SORCS2: variants seen among roughly 807,000 people sequenced by gnomAD.
SORCS2 encodes VPS10 domain-containing receptor SorCS2.
A neutral mutation model predicts 141.6 loss-of-function variants in SORCS2; 100 were observed. That is an observed-to-expected ratio of 0.71 (90% CI 0.60 to 0.83). The LOEUF (loss-of-function observed/expected upper bound fraction) is 0.83, where lower values mean the gene tolerates loss of function less well. Among genes scored for constraint, SORCS2 ranks in the 40% least tolerant of loss-of-function variants. The pLI is 0.00. For missense variants in SORCS2, 1,646 were observed against 1,560.2 expected (o/e 1.05, Z -0.93); for synonymous variants, 789 against 676.9 (o/e 1.17, Z -2.57).
At chr4:7,603,116 T>C (rs896767810) in intron 3 of SORCS2, among the ~76,000 whole-genome samples, 4 of 150,474 alleles carry the variant, frequency 2.7e-5, no homozygotes, top group African/African-American at 7.4e-5. Flanking sequence ...GCACTACAGT[T>C]CAGCCTCCGC....
chr4:7,490,824 A>C (rs1042064852), intron 2 of SORCS2, among the ~76,000 whole-genome samples: 6 of 150,970 alleles, frequency 4.0e-5, no homozygotes, highest in Non-Finnish European at 8.9e-5. Flanking sequence ...TCCCCGCTGC[A>C]CTCCTCCCAG....
chr4:7,570,099 C>T (rs1443629097), intron 3 of SORCS2, among the ~76,000 whole-genome samples: 1 of 152,162 alleles, frequency 6.6e-6, no homozygotes, highest in East Asian at 1.9e-4. Flanking sequence ...ATGCTAATTG[C>T]TTGGTCTAAG....
At chr4:7,198,855 A>G (rs1477478605) in intron 1 of SORCS2, among the ~76,000 whole-genome samples, 1 of 152,068 alleles carries the variant, frequency 6.6e-6, no homozygotes, top group African/African-American at 2.4e-5. Context: ...GAGTCTAGGG[A>G]AGTCTCGGCG....
In SORCS2 at chr4:7,740,308, C is replaced by T; in HGVS notation, c.*44C>T. Reference sequence around the variant, plus strand: ...CTTTTCACCCACGGAGGGCACAGAACCACCAGCAAAGCCGGCGGCTGGACT... The same window carrying T: ...CTTTTCACCCACGGAGGGCACAGAATCACCAGCAAAGCCGGCGGCTGGACT... On this transcript the variant is annotated 3_prime_UTR_variant, in exon 27 of 27. Transcript: ENST00000507866. The T allele has an allele frequency of 6.3e-7, 1 of 1,577,414 alleles. No homozygotes were observed.
chr4:7,690,134 G>A (rs1724132352), intron 11 of SORCS2, among the ~76,000 whole-genome samples: 1 of 151,762 alleles, frequency 6.6e-6, no homozygotes, highest in African/African-American at 2.4e-5. Context: ...GTGGATGGGT[G>A]GTGGATACGT....
At chr4:7,572,264 A>C (rs1347583413) in intron 3 of SORCS2, among the ~76,000 whole-genome samples, 1 of 152,164 alleles carries the variant, frequency 6.6e-6, no homozygotes, top group East Asian at 1.9e-4. Context: ...AAAATATGGG[A>C]TATGCACCCC....
intron 3 of SORCS2, among the ~76,000 whole-genome samples, chr4:7,545,345 G>A (rs930349019): frequency 3.3e-5 from 5 of 152,116 alleles, no homozygotes; most frequent in Admixed American, 6.5e-5. Context: ...TACAGAGGTC[G>A]GGGAGCTCCA....
chr4:7,421,687 C>T (rs556483033), intron 2 of SORCS2, among the ~76,000 whole-genome samples: 1 of 152,298 alleles, frequency 6.6e-6, no homozygotes, highest in East Asian at 1.9e-4. Flanking sequence ...CAGCGAGTGA[C>T]TGTGCACAGG....
chr4:7,516,587 C>T (rs1270539213), intron 2 of SORCS2, among the ~76,000 whole-genome samples: 1 of 152,146 alleles, frequency 6.6e-6, no homozygotes, highest in Non-Finnish European at 1.5e-5. Flanking sequence ...GGGGGCGGTG[C>T]TGCTTTTCCT....
chr4:7,740,075 G>A (rs1712535341), intron 26 of SORCS2, 125 bp from the exon 27 acceptor site: 8 of 752,304 alleles, frequency 1.1e-5, no homozygotes, highest in Non-Finnish European at 1.8e-5. Context: ...CGGGCTGAAG[G>A]AAGCCAGGGA....
chr4:7,568,017 T>C (rs1715142817), intron 3 of SORCS2, among the ~76,000 whole-genome samples: 1 of 152,222 alleles, frequency 6.6e-6, no homozygotes, highest in African/African-American at 2.4e-5. Context: ...TTTCTGGCGC[T>C]ACAAGATGCT....
chr4:7,414,310 C>G (rs1243965910), intron 2 of SORCS2, among the ~76,000 whole-genome samples: 1 of 152,114 alleles, frequency 6.6e-6, no homozygotes, highest in Non-Finnish European at 1.5e-5. Context: ...GTCCTACCCC[C>G]GGGCATGCTG....
intron 2 of SORCS2, among the ~76,000 whole-genome samples, chr4:7,503,696 AGATGCT>A (rs1280070314): frequency 6.6e-6 from 1 of 152,202 alleles, no homozygotes; most frequent in Admixed American, 6.5e-5. Context: ...ACAGACATGC[AGATGCT>A]GATGCAGATT....
intron 14 of SORCS2, among the ~76,000 whole-genome samples, chr4:7,708,467 G>T (rs898340337): frequency 6.6e-6 from 1 of 152,114 alleles, no homozygotes; most frequent in Non-Finnish European, 1.5e-5. Flanking sequence ...GGTGGGTCCC[G>T]CTGGCCGGCC....
Position 7,420,838 on chromosome 4 carries a change from C to T in SORCS2, c.548+24483C>T, listed in dbSNP as rs573024527. 8.5e-4 allele frequency among the ~76,000 whole-genome samples: 129 copies of T among 152,332 alleles called. 1 individual carries two copies. Among genetic ancestry groups the T allele is most frequent in the Non-Finnish European group, 1.6e-3 (107 of 68,030 alleles). Reference sequence around the variant, plus strand: ...CCACCGTCACAAGCTGGAGCCTGCACGGCATGCTTGATGCCACTCAAAGCT... The same window carrying T: ...CCACCGTCACAAGCTGGAGCCTGCATGGCATGCTTGATGCCACTCAAAGCT... On this transcript the variant is annotated intron_variant, in intron 2 of 26. Coordinates refer to ENST00000507866, the MANE Select transcript of SORCS2 (RefSeq NM_020777.3).
intron 3 of SORCS2, among the ~76,000 whole-genome samples, chr4:7,624,861 C>A (rs920645010): frequency 1.5e-4 from 23 of 152,230 alleles, no homozygotes; most frequent in African/African-American, 5.1e-4. Context: ...CACTCTAGAG[C>A]CTCAGCGCAA....
intron 20 of SORCS2, among the ~76,000 whole-genome samples, chr4:7,726,425 T>G (rs1443015717): frequency 1.3e-5 from 2 of 151,946 alleles, no homozygotes; most frequent in Non-Finnish European, 2.9e-5. Flanking sequence ...ATACAAAAAT[T>G]AGCTGGGCAT....
At position 7,714,382 on chromosome 4, in the gene SORCS2, C is replaced by T. The variant is rs1389924043; in HGVS notation, c.2123+9C>T. 1.5e-5 allele frequency: 24 copies of T among 1,549,540 alleles called. No individual in the cohort carries two copies. Among genetic ancestry groups the T allele is most frequent in the Admixed American group, 5.9e-5 (3 of 50,996 alleles). On this transcript the variant is annotated intron_variant, in intron 16 of 26. Coordinates refer to ENST00000507866, the MANE Select transcript of SORCS2 (RefSeq NM_020777.3). ...GACTCGGACTTCCTGTGGTGAGCGA[C>T]GGGCTCCTGGCCACGAGGCCTCAGG...
At chr4:7,724,483 ATGGTGGTGGTGGTGACAATGGTG>A (rs1726926441) in intron 19 of SORCS2, among the ~76,000 whole-genome samples, 1 of 97,330 alleles carries the variant, frequency 1.0e-5, no homozygotes, top group African/African-American at 4.9e-5. Flanking sequence ...GATGGTGGTG[ATGGTGGTGGTGGTGACAATGGTG>A]GTGGTGATGG....
Sources: gnomAD v4.1 joint callset for allele counts (sites outside exome capture counted in the v4.1 genomes callset) on GRCh38, gnomAD v4.1.1 for gene constraint, MANE v1.5 for transcripts, NCBI Gene and HGNC (gene_info 2026-07-23, HGNC 2026-07-21) for gene names.